Variants in DPP10 observed in about 807,000 individuals in gnomAD.
DPP10 encodes the protein inactive dipeptidyl peptidase 10.
Under a neutral mutation model 120.9 loss-of-function variants are expected in DPP10, and 33 were observed. The observed-to-expected ratio is 0.27, with a 90% CI of 0.21 to 0.37. The LOEUF is 0.37. DPP10 is among the 10% of genes least tolerant of loss of function. The probability of loss-of-function intolerance (pLI) is 1.00; values close to 1 mark genes in which losing one functional copy is unlikely to be tolerated. For missense variants in DPP10, 816 were observed against 942.8 expected, an observed-to-expected ratio of 0.87 and a Z score of 1.76; for synonymous variants, 337 against 326.1, an observed-to-expected ratio of 1.03 and a Z score of -0.36.
intron 1 of DPP10, among the ~76,000 whole-genome samples, chr2:114,939,281 T>G (rs1696720112): frequency 6.7e-6 from 1 of 150,282 alleles, no homozygotes; most frequent in African/African-American, 2.4e-5. Context: ...AAGGGGGGGG[T>G]GGTTAGGCAT....
At chr2:114,817,323 C>T (rs1685723921) in intron 1 of DPP10, among the ~76,000 whole-genome samples, 1 of 148,814 alleles carries the variant, frequency 6.7e-6, no homozygotes, top group Non-Finnish European at 1.5e-5. Context: ...AAAAGGCTCA[C>T]ATGAAAGGAT....
At chr2:114,566,309 T>C (rs1053846138) in intron 1 of DPP10, among the ~76,000 whole-genome samples, 2 of 152,186 alleles carry the variant, frequency 1.3e-5, no homozygotes, top group Non-Finnish European at 2.9e-5. Context: ...TGAAAAACAC[T>C]GTTTAAAATA....
chr2:115,641,403 G>C (rs746604323), intron 5 of DPP10, among the ~76,000 whole-genome samples: 7 of 152,142 alleles, frequency 4.6e-5, no homozygotes, highest in Non-Finnish European at 1.0e-4. Flanking sequence ...TCACAGACTT[G>C]CTTTCTAGTC....
chr2:115,111,180 G>A (rs961491734), intron 1 of DPP10, among the ~76,000 whole-genome samples: 17 of 151,140 alleles, frequency 1.1e-4, no homozygotes, highest in African/African-American at 3.6e-4. Context: ...ACACATCTTC[G>A]GTGACCACTA....
At chr2:114,710,135 G>A (rs960690284) in intron 1 of DPP10, among the ~76,000 whole-genome samples, 4 of 152,172 alleles carry the variant, frequency 2.6e-5, no homozygotes, top group African/African-American at 9.7e-5. Context: ...AACTACTAAG[G>A]CCTGTGGGCC....
intron 1 of DPP10, among the ~76,000 whole-genome samples, chr2:114,986,196 A>G (rs1385039962): frequency 6.6e-6 from 1 of 152,218 alleles, no homozygotes; most frequent in African/African-American, 2.4e-5. Context: ...AATAATTGCC[A>G]TATTTATTTT....
At chr2:115,673,973 A>G (rs1055329178) in intron 5 of DPP10, among the ~76,000 whole-genome samples, 1 of 152,202 alleles carries the variant, frequency 6.6e-6, no homozygotes. Context: ...GCACTTTGGG[A>G]GACCAAGGCG....
At chr2:115,221,754 GTTTTTTT>G (rs56077672) in intron 1 of DPP10, among the ~76,000 whole-genome samples, 6,418 of 120,112 alleles carry the variant, frequency 0.053, 257 homozygotes, top group East Asian at 0.2. Context: ...GTTTGTTTCT[GTTTTTTT>G]TTTTTTTTTT....
chr2:115,696,688 G>A (rs2091609566), intron 7 of DPP10, among the ~76,000 whole-genome samples: 1 of 152,098 alleles, frequency 6.6e-6, no homozygotes, highest in Admixed American at 6.5e-5. Context: ...CCCGGTAAAT[G>A]TAAATACATG....
At chr2:115,746,298 G>C in intron 10 of DPP10, 115 bp downstream of exon 10, 1 of 926,390 alleles carries the variant, frequency 1.1e-6, no homozygotes, top group South Asian at 1.5e-5. Flanking sequence ...TGAAAATAAA[G>C]CTGAAGTTGC....
intron 1 of DPP10, chr2:114,835,480 G>A (rs903617347): frequency 3.3e-5 from 5 of 152,070 alleles, no homozygotes; most frequent in African/African-American, 2.4e-5. Flanking sequence ...TTTCTATCAC[G>A]TTCGTTTTTA....
chr2:115,290,457 A>G (rs542171297), intron 1 of DPP10, among the ~76,000 whole-genome samples: 14 of 152,310 alleles, frequency 9.2e-5, no homozygotes, highest in African/African-American at 2.4e-4. Context: ...TATTGATTCT[A>G]GAATCTAACA....
rs564620306 is a variant in DPP10, at chr2:115,282,164, C to G, written c.61-27075C>G. 9.9e-5 allele frequency among the ~76,000 whole-genome samples: 15 copies of G among 152,088 alleles called. No individual in the cohort carries two copies. The South Asian group carries it at 2.3e-3, about 23-fold the overall frequency. The stretch of plus-strand genomic sequence containing the variant: ...TTAAAAGTGATATATATCCCAACAA[C>G]TTGTAACTTATTCTTTAAATAACAG... On this transcript the variant is annotated intron_variant, in intron 1 of 25. Transcript: ENST00000410059.
At chr2:115,675,462 T>C (rs1463690504) in intron 5 of DPP10, among the ~76,000 whole-genome samples, 1 of 152,118 alleles carries the variant, frequency 6.6e-6, no homozygotes, top group Non-Finnish European at 1.5e-5. Context: ...TTGAATAGGA[T>C]GTTTAAGGGA....
chr2:114,984,932 A>G (rs892654216), intron 1 of DPP10, among the ~76,000 whole-genome samples: 2 of 152,108 alleles, frequency 1.3e-5, no homozygotes, highest in Admixed American at 6.5e-5. Flanking sequence ...GCCCTCTCCT[A>G]GGTTGTATCC....
intron 1 of DPP10, among the ~76,000 whole-genome samples, chr2:114,797,019 TA>T (rs1369482093): frequency 6.6e-6 from 1 of 152,162 alleles, no homozygotes; most frequent in Non-Finnish European, 1.5e-5. Flanking sequence ...ACAGTCTAGA[TA>T]CATAAGAGGA....
At chr2:114,999,664 T>G (rs996449750) in intron 1 of DPP10, among the ~76,000 whole-genome samples, 5 of 152,180 alleles carry the variant, frequency 3.3e-5, no homozygotes, top group African/African-American at 1.2e-4. Flanking sequence ...CACCCTTGTC[T>G]GTCATCTTTG....
chr2:115,531,430 A>G (rs1002199650), intron 5 of DPP10, among the ~76,000 whole-genome samples: 10 of 152,106 alleles, frequency 6.6e-5, no homozygotes, highest in African/African-American at 2.2e-4. Flanking sequence ...GACAAAGATT[A>G]ATAGAAAATA....
intron 3 of DPP10, among the ~76,000 whole-genome samples, chr2:115,424,781 T>A (rs1416582224): frequency 6.6e-6 from 1 of 152,186 alleles, no homozygotes; most frequent in Non-Finnish European, 1.5e-5. Context: ...ATTTAAGACC[T>A]CACCTTTACT....
Sources: gnomAD v4.1 joint callset for allele counts (sites outside exome capture counted in the v4.1 genomes callset) on GRCh38, gnomAD v4.1.1 for gene constraint, MANE v1.5 for transcripts, NCBI Gene and HGNC (gene_info 2026-07-23, HGNC 2026-07-21) for gene names.